Variants in ZNF423 observed in about 807,000 individuals in gnomAD.
ZNF423 encodes Ebf-associated zinc finger protein.
A neutral mutation model predicts 95.8 loss-of-function variants in ZNF423; 12 were observed. That is an observed-to-expected ratio of 0.13 (90% confidence interval 0.08 to 0.20). The LOEUF is 0.20. Ranked by LOEUF, ZNF423 falls within the 10% of genes least tolerant of loss-of-function variation. ZNF423 has a pLI of 1.00. For missense variants in ZNF423, 1,316 were observed against 1,737.1 expected (o/e 0.76, Z 4.31); for synonymous variants, 749 against 711.9 (o/e 1.05, Z -0.83).
At chr16:49,542,778 C>T (rs1291142561) in intron 5 of ZNF423, among the ~76,000 whole-genome samples, 2 of 152,182 alleles carry the variant, frequency 1.3e-5, no homozygotes, top group African/African-American at 2.4e-5. Context: ...CCCAGATCTG[C>T]GTCCTCCATG....
chr16:49,674,435 C>T (rs959129693), intron 3 of ZNF423, among the ~76,000 whole-genome samples: 4 of 152,114 alleles, frequency 2.6e-5, no homozygotes, highest in African/African-American at 9.7e-5. Context: ...GTACACGGTG[C>T]GTCATCCCAC....
chr16:49,592,468 C>T (rs1971039559), intron 5 of ZNF423, among the ~76,000 whole-genome samples: 1 of 152,164 alleles, frequency 6.6e-6, no homozygotes, highest in African/African-American at 2.4e-5. Context: ...CAGTTTGGGA[C>T]CTATTCGACC....
chr16:49,741,250 T>C (rs931133454), intron 2 of ZNF423, among the ~76,000 whole-genome samples: 9 of 151,784 alleles, frequency 5.9e-5, no homozygotes, highest in African/African-American at 2.2e-4. Flanking sequence ...ATCCCAGCAC[T>C]TTGGGGGGCC....
intron 1 of ZNF423, among the ~76,000 whole-genome samples, chr16:49,799,201 G>A (rs1348225845): frequency 4.6e-5 from 7 of 152,238 alleles, no homozygotes; most frequent in East Asian, 1.9e-4. Context: ...TACCAACCTC[G>A]CAGGAGGTTG....
intron 4 of ZNF423, among the ~76,000 whole-genome samples, chr16:49,632,971 G>C (rs907384423): frequency 6.6e-6 from 1 of 152,202 alleles, no homozygotes; most frequent in African/African-American, 2.4e-5. Context: ...ACCCAGCCCA[G>C]CTGCACTGCC....
intron 7 of ZNF423, among the ~76,000 whole-genome samples, chr16:49,500,815 G>A (rs774185835): frequency 6.6e-6 from 1 of 152,160 alleles, no homozygotes; most frequent in Non-Finnish European, 1.5e-5. Context: ...GGCTGAGGCG[G>A]GAGGATCACT....
rs547029264 is a variant in ZNF423, at chr16:49,566,933, C to T, written c.3602-41439G>A. Among the ~76,000 whole-genome samples, 25 of 151,950 alleles carry T rather than the reference C, an allele frequency of 1.6e-4. 1 individual carries two copies. The highest frequency in any genetic ancestry group is 3.5e-4 in the Non-Finnish European group (24 of 67,992). On this transcript the variant is annotated intron_variant, in intron 5 of 7. Coordinates refer to ENST00000563137, the MANE Select transcript of ZNF423 (RefSeq NM_001379286.1). ...TCTCTGAGTAGGGAGAGCCATTTGT[C>T]CTAAAATGAGAGCCATGTGTTCCTA...
Position 49,638,028 on chromosome 16 carries a change from C to T in ZNF423, c.1148G>A (p.Ser383Asn). Residue 383 changes from serine (S) to asparagine (N), a missense_variant, in exon 4 of 8, where the codon AGC becomes AAC. This residue lies in a region of ZNF423 where 399 missense variants were observed against 478.5 expected (regional missense o/e 0.83). Coordinates refer to ENST00000563137, the MANE Select transcript of ZNF423 (RefSeq NM_001379286.1). This position sits in a 1 kb window ranked among gnomAD's most constrained non-coding sequence, Gnocchi z 5.6. ...ASMSSATPDS[S>N]ASVERGSTPD... ...GGTGGAGCCACGCTCCACAGAGGCG[C>T]TGGAGTCGGGTGTGGCGCTGCTCAT... 6.2e-7 allele frequency: 1 copy of T among 1,614,098 alleles called. No homozygotes were observed. Among genetic ancestry groups the T allele is most frequent in the Non-Finnish European group, 8.5e-7 (1 of 1,180,026 alleles).
chr16:49,736,086 T>C (rs141782258), intron 2 of ZNF423, among the ~76,000 whole-genome samples: 152 of 152,150 alleles, frequency 1.0e-3, no homozygotes, highest in Non-Finnish European at 1.5e-3. Context: ...GAGGGACATA[T>C]AGTAGGGGCT....
chr16:49,740,836 C>T (rs2033399452), intron 2 of ZNF423, among the ~76,000 whole-genome samples: 4 of 152,228 alleles, frequency 2.6e-5, no homozygotes, highest in Admixed American at 2.6e-4. Context: ...GAGAACGTAT[C>T]TTCAGTTGTC....
chr16:49,600,387 C>G (rs1005419729), intron 5 of ZNF423, among the ~76,000 whole-genome samples: 2 of 151,976 alleles, frequency 1.3e-5, no homozygotes, highest in South Asian at 4.2e-4. Context: ...GTTATGGAGG[C>G]AGCAAGGACC....
chr16:49,856,538 G>C (rs1457657518), upstream of ZNF423, among the ~76,000 whole-genome samples: 1 of 151,548 alleles, frequency 6.6e-6, no homozygotes, highest in Non-Finnish European at 1.5e-5. Context: ...ATGATGGATG[G>C]GGGGCGGGGG....
intron 3 of ZNF423, among the ~76,000 whole-genome samples, chr16:49,702,404 C>G (rs972240852): frequency 1.7e-4 from 26 of 152,224 alleles, no homozygotes; most frequent in African/African-American, 6.3e-4. Flanking sequence ...CCAGCCCCAT[C>G]CTCGCCTTTG....
intron 3 of ZNF423, among the ~76,000 whole-genome samples, chr16:49,681,377 CAGG>C (rs1412656472): frequency 1.3e-5 from 2 of 152,214 alleles, no homozygotes; most frequent in Non-Finnish European, 2.9e-5. Flanking sequence ...TCCCCGTCAG[CAGG>C]AGAACTTTGG....
chr16:49,722,101 G>A (rs999887066), intron 3 of ZNF423, among the ~76,000 whole-genome samples: 2 of 152,174 alleles, frequency 1.3e-5, no homozygotes, highest in Non-Finnish European at 2.9e-5. Context: ...AGACACAGCT[G>A]TCTGAGCCAA....
intron 5 of ZNF423, among the ~76,000 whole-genome samples, chr16:49,563,800 C>A (rs1052839627): frequency 6.6e-6 from 1 of 152,236 alleles, no homozygotes; most frequent in Non-Finnish European, 1.5e-5. Context: ...CTGGTATGGC[C>A]AGCTCAGGAA....
intron 5 of ZNF423, among the ~76,000 whole-genome samples, chr16:49,558,458 C>T (rs1969910190): frequency 6.6e-6 from 1 of 152,214 alleles, no homozygotes; most frequent in South Asian, 2.1e-4. Flanking sequence ...CACTTCCCAA[C>T]TTGAAAGTGA....
intron 5 of ZNF423, among the ~76,000 whole-genome samples, chr16:49,533,769 C>T (rs1382506553): frequency 6.6e-6 from 1 of 152,230 alleles, no homozygotes; most frequent in Non-Finnish European, 1.5e-5. Flanking sequence ...GGGCCAAGCG[C>T]TTCCCTCTGT....
At chr16:49,779,565 G>A (rs919081865) in intron 2 of ZNF423, among the ~76,000 whole-genome samples, 1 of 152,120 alleles carries the variant, frequency 6.6e-6, no homozygotes, top group African/African-American at 2.4e-5. Context: ...GGACGCACAA[G>A]GCTGGGCAAC....
Sources: gnomAD v4.1 joint callset for allele counts (sites outside exome capture counted in the v4.1 genomes callset) on GRCh38, gnomAD v4.1.1 for gene constraint, gnomAD v4.1.1 regional missense constraint, Gnocchi (gnomAD v3.1) non-coding constraint, MANE v1.5 for transcripts, NCBI Gene and HGNC (gene_info 2026-07-23, HGNC 2026-07-21) for gene names.